CDC123: variants seen among roughly 807,000 people sequenced by gnomAD.
The protein encoded by CDC123 is translation initiation factor eIF2 assembly protein.
A neutral mutation model predicts 54.4 loss-of-function variants in CDC123; 37 were observed. The observed-to-expected ratio is 0.68, with a 90% CI of 0.52 to 0.89. CDC123 has a LOEUF of 0.89. Ranked by LOEUF, CDC123 falls within the 40% of genes least tolerant of loss-of-function variation. The pLI, the probability that CDC123 is intolerant of heterozygous loss-of-function variation, is 0.00. For synonymous variants in CDC123, 144 were observed against 136.8 expected (o/e 1.05, Z -0.37); for missense variants, 361 against 412.1 (o/e 0.88, Z 1.07).
intron 11 of CDC123, 32 bp from the exon 12 acceptor site, chr10:12,249,549 G>A: frequency 1.9e-6 from 3 of 1,597,024 alleles, no homozygotes; most frequent in South Asian, 2.3e-5. Context: ...ATAAATGATT[G>A]ATATTCTTTC....
At chr10:12,237,690 T>G (rs1172045682) in intron 9 of CDC123, among the ~76,000 whole-genome samples, 1 of 152,214 alleles carries the variant, frequency 6.6e-6, no homozygotes, top group Non-Finnish European at 1.5e-5. Flanking sequence ...CACTTCAGCC[T>G]CACAGTGTGC....
intron 12 of CDC123, 66 bp downstream of exon 12, chr10:12,249,784 A>G (rs1012113141): frequency 9.9e-6 from 15 of 1,515,930 alleles, no homozygotes; most frequent in African/African-American, 1.4e-5. Context: ...TGGCTTTTAT[A>G]TAATATTTCA....
chr10:12,248,746 C>T (rs1301492938), intron 11 of CDC123, among the ~76,000 whole-genome samples: 7 of 151,392 alleles, frequency 4.6e-5, no homozygotes, highest in South Asian at 2.1e-4. Context: ...GTGGAGGTTG[C>T]GATGAGCTGA....
At chr10:12,197,549 T>G (rs1835376702) in intron 1 of CDC123, among the ~76,000 whole-genome samples, 1 of 151,976 alleles carries the variant, frequency 6.6e-6, no homozygotes, top group Non-Finnish European at 1.5e-5. Context: ...GCTAATTTTT[T>G]GTATTTTTAG....
chr10:12,221,951 TCCA>T (rs1169969711), intron 6 of CDC123, among the ~76,000 whole-genome samples: 1 of 152,186 alleles, frequency 6.6e-6, no homozygotes, highest in African/African-American at 2.4e-5. Flanking sequence ...GTCAGGGTTA[TCCA>T]GAGAGTTAGA....
intron 2 of CDC123, among the ~76,000 whole-genome samples, chr10:12,200,131 T>C (rs1281826973): frequency 7.6e-6 from 1 of 132,024 alleles, no homozygotes; most frequent in African/African-American, 2.9e-5. Context: ...TTTTTTTTTT[T>C]TTTTTTTTTT....
At chr10:12,218,259 T>C (rs1248315630) in intron 6 of CDC123, among the ~76,000 whole-genome samples, 3 of 147,992 alleles carry the variant, frequency 2.0e-5, no homozygotes, top group Non-Finnish European at 4.5e-5. Context: ...TTTTTTTTTT[T>C]TTTTTGAGGC....
At chr10:12,197,444 T>TTTTATTTATTTAAAAATAAATAAAAATAC in intron 1 of CDC123, among the ~76,000 whole-genome samples, 2 of 151,690 alleles carry the variant, frequency 1.3e-5, no homozygotes, top group Non-Finnish European at 2.9e-5. Context: ...GGCAGCGATC[T>TTTTATTTATTTAAAAATAAATAAAAATAC]TGGCTCACTG....
rs778905343 is a variant in CDC123, at chr10:12,209,917, T to C, written c.147-50T>C. 1.9e-6 allele frequency: 3 copies of C among 1,564,394 alleles called. No homozygotes were observed. In the African/African-American group the frequency reaches 4.1e-5, roughly 21 times the overall value. On this transcript the variant is annotated intron_variant, in intron 2 of 12. Coordinates refer to ENST00000281141, the MANE Select transcript of CDC123 (RefSeq NM_006023.3). ...CTCAGTACCCCTGAAATTAGGAGCA[T>C]GCGGTGCCCAAGTCCTTTTCTTTCT... is the stretch of plus-strand genomic sequence containing the variant.
intron 1 of CDC123, among the ~76,000 whole-genome samples, chr10:12,198,107 G>A (rs116894787): frequency 6.6e-6 from 1 of 152,140 alleles, no homozygotes; most frequent in South Asian, 2.1e-4. Context: ...CTTCAGGTAT[G>A]GCTTTGCCAT....
chr10:12,197,226 CATATT>C (rs1332785413), intron 1 of CDC123, among the ~76,000 whole-genome samples: 1 of 151,838 alleles, frequency 6.6e-6, no homozygotes, highest in Non-Finnish European at 1.5e-5. Flanking sequence ...AGCAAATAGA[CATATT>C]AAGAAAGAAA....
intron 1 of CDC123, among the ~76,000 whole-genome samples, chr10:12,196,617 A>AT (rs1232716868): frequency 6.6e-6 from 1 of 152,146 alleles, no homozygotes; most frequent in Admixed American, 6.5e-5. Flanking sequence ...GCGCAAGGTG[A>AT]TCACTGCCTA....
chr10:12,231,907 G>A (rs1468363267), intron 7 of CDC123, among the ~76,000 whole-genome samples: 3 of 151,692 alleles, frequency 2.0e-5, no homozygotes, highest in Admixed American at 6.6e-5. Flanking sequence ...ATGCAGTGGC[G>A]CGATCTCAGC....
chr10:12,248,083 A>G (rs1010499574), intron 11 of CDC123, among the ~76,000 whole-genome samples: 1 of 152,222 alleles, frequency 6.6e-6, no homozygotes, highest in Non-Finnish European at 1.5e-5. Context: ...ACCAGTGTTT[A>G]TATTTTGATA....
Position 12,239,979 on chromosome 10 carries a change from G to A in CDC123, c.717+1494G>A, listed in dbSNP as rs1477753469. Among the ~76,000 whole-genome samples the A allele has an allele frequency of 1.6e-4, 23 of 145,298 alleles. No homozygotes were observed. The East Asian group carries it at 3.4e-3, about 22-fold the overall frequency. On this transcript the variant is annotated intron_variant, in intron 10 of 12. Transcript: ENST00000281141. ...GCCGAGATCGCGCCACTGCACTCCA[G>A]CCTGGGCTACAGAGCGAGACTCCGT...
intron 10 of CDC123, among the ~76,000 whole-genome samples, chr10:12,239,437 G>T (rs1157290109): frequency 6.6e-6 from 1 of 152,198 alleles, no homozygotes; most frequent in Non-Finnish European, 1.5e-5. Flanking sequence ...TTTTGGCCGG[G>T]TGCAGTGGCT....
chr10:12,227,922 A>G (rs1460054857), intron 6 of CDC123, among the ~76,000 whole-genome samples: 1 of 152,130 alleles, frequency 6.6e-6, no homozygotes, highest in African/African-American at 2.4e-5. Context: ...TAATTAGTTA[A>G]TTTTTATTAA....
At chr10:12,242,009 A>C (rs772048296) in intron 10 of CDC123, among the ~76,000 whole-genome samples, 3 of 152,058 alleles carry the variant, frequency 2.0e-5, no homozygotes, top group Non-Finnish European at 2.9e-5. Context: ...CTTTCTCATA[A>C]TCTCAATTAC....
chr10:12,221,476 A>G (rs1835736121), intron 6 of CDC123, among the ~76,000 whole-genome samples: 1 of 152,214 alleles, frequency 6.6e-6, no homozygotes, highest in Non-Finnish European at 1.5e-5. Context: ...CGAGTAAAGC[A>G]TTCCTGGAGG....
Sources: gnomAD v4.1 joint callset for allele counts (sites outside exome capture counted in the v4.1 genomes callset) on GRCh38, gnomAD v4.1.1 for gene constraint, MANE v1.5 for transcripts, NCBI Gene and HGNC (gene_info 2026-07-23, HGNC 2026-07-21) for gene names.